BLCAP: variants seen among roughly 807,000 people sequenced by gnomAD.
BLCAP encodes apoptosis inducing factor BLCAP.
BLCAP carries 1 observed loss-of-function variant against 5.7 expected under a neutral mutation model. That is an observed-to-expected ratio of 0.18 (90% CI 0.06 to 0.83). BLCAP has a LOEUF of 0.83. BLCAP is among the 40% of genes least tolerant of loss of function. The pLI, the probability that BLCAP is intolerant of heterozygous loss-of-function variation, is 0.71. For missense variants in BLCAP, 66 were observed against 107.6 expected (o/e 0.61, Z 1.71); for synonymous variants, 48 against 49.4 (o/e 0.97, Z 0.11).
chr20:37,527,667 A>G (rs1488730350), intron 1 of BLCAP, 126 bp downstream of exon 1: 1 of 152,412 alleles, frequency 6.6e-6, no homozygotes, highest in Non-Finnish European at 1.5e-5. Context: ...TTCCCGGGGT[A>G]TGCGGAAGGA....
Position 37,521,252 on chromosome 20 carries a change from T to G in BLCAP, c.-176-1902A>C. 1 of 1,464,052 alleles carries G rather than the reference T, an allele frequency of 6.8e-7. No homozygotes were observed. 90.7% of individuals were successfully genotyped at this position (1,464,052 alleles called of 1,614,324 possible). On this transcript the variant is annotated intron_variant, in intron 1 of 1. Coordinates refer to ENST00000373537, the MANE Select transcript of BLCAP (RefSeq NM_006698.4). The surrounding 1 kb of genome is among the most constrained non-coding windows in gnomAD (Gnocchi z 4.5). ...GGCGCGGCCACCGCGGCTGCGGCAG[T>G]GCGCCCAACAGCGGACTCCGAGACC...
Position 37,518,930 on chromosome 20 carries a change from G to A in BLCAP, c.245C>T (p.Pro82Leu), listed in dbSNP as rs2071465260. ...DSPLPESAHD[P>L]GVVGT Reference sequence around the variant, plus strand: ...AGGCCGTTAGGTGCCCACAACGCCGGGATCATGCGCCGATTCTGGAAGCGG... The same window carrying A: ...AGGCCGTTAGGTGCCCACAACGCCGAGATCATGCGCCGATTCTGGAAGCGG... The change falls in exon 2 of 2, where the codon CCC becomes CTC. Residue 82 changes from proline to leucine, a missense_variant. Pro to Leu is a moderately conservative substitution (Grantham distance 98). Transcript: ENST00000373537. 1 of 1,614,084 alleles carries A rather than the reference G, an allele frequency of 6.2e-7. No individual in the cohort carries two copies. The highest frequency in any genetic ancestry group is 1.3e-5 in the African/African-American group (1 of 74,932).
chr20:37,522,198 T>TG (rs2071607543), intron 1 of BLCAP, among the ~76,000 whole-genome samples: 1 of 144,926 alleles, frequency 6.9e-6, no homozygotes, highest in South Asian at 2.2e-4. Flanking sequence ...AAAATAATAA[T>TG]AAAAAAAATA....
intron 1 of BLCAP, chr20:37,523,559 T>C (rs1466827517): frequency 8.5e-5 from 13 of 152,654 alleles, no homozygotes; most frequent in Admixed American, 8.5e-4. Context: ...TAAGTGTGCA[T>C]TAGTTGTGTC....
At position 37,518,607 on chromosome 20, in the gene BLCAP, C is replaced by G. The variant is rs41304413; in HGVS notation, c.*304G>C. The G allele has an allele frequency of 3.9e-3, 1,328 of 341,584 alleles. 7 individuals carry two copies. The highest frequency in any genetic ancestry group is 5.7e-3 in the Admixed American group (127 of 22,262). The allele number at this position is 341,584 out of a possible 1,614,324, so 21.2% of individuals were successfully genotyped here. ...CCCAGGTCACATTGGGGCAGCTGAC[C>G]AGGATGGACCCAGACTCCTCACAGT... On this transcript the variant is annotated 3_prime_UTR_variant, in exon 2 of 2. Coordinates refer to ENST00000373537, the MANE Select transcript of BLCAP (RefSeq NM_006698.4).
chr20:37,522,598 G>GGGGGGCCCC, intron 1 of BLCAP: 2 of 864,342 alleles, frequency 2.3e-6, no homozygotes, highest in Non-Finnish European at 3.4e-6. Flanking sequence ...GCGGGGGTGG[G>GGGGGGCCCC]CACGGCAGCA....
At chr20:37,519,681 C>T (rs1275872160) in intron 1 of BLCAP, among the ~76,000 whole-genome samples, 1 of 152,160 alleles carries the variant, frequency 6.6e-6, no homozygotes, top group Non-Finnish European at 1.5e-5. Context: ...GATCATGTAT[C>T]GCCTCCTGGG....
At chr20:37,523,660 G>C (rs1397090116) in intron 1 of BLCAP, 1 of 152,680 alleles carries the variant, frequency 6.5e-6, no homozygotes, top group Non-Finnish European at 1.5e-5. Flanking sequence ...AGTGTCCCAG[G>C]ACCCTGCGGT....
intron 1 of BLCAP, chr20:37,522,264 GC>G: frequency 1.2e-6 from 1 of 865,708 alleles, no homozygotes; most frequent in Non-Finnish European, 1.9e-6. Context: ...AAAGCGCTTT[GC>G]CCATAAAATC....
At chr20:37,522,180 C>CAAAA (rs34619095) in intron 1 of BLCAP, among the ~76,000 whole-genome samples, 15 of 104,764 alleles carry the variant, frequency 1.4e-4, no homozygotes, top group African/African-American at 4.4e-4. Flanking sequence ...AATTGCTTTA[C>CAAAA]AAAAAAAAAA....
rs765222833 is a variant in BLCAP at position 37,519,148 on chromosome 20, G to A, written c.27C>T (p.Pro9=). The A allele has an allele frequency of 6.3e-6, 10 of 1,596,624 alleles. No homozygotes were observed. The highest frequency in any genetic ancestry group is 5.2e-5 in the Admixed American group (3 of 57,340). The stretch of plus-strand genomic sequence containing the variant: ...TGAGGGGCTTGGGGATGAGGAGGAC[G>A]GGCAGCAGCCACTGGAGGCAATACA... The part of the protein sequence containing the change: MYCLQWLL[P]VLLIPKPLNP... Residue 9 remains proline, a synonymous_variant, in exon 2 of 2, where the codon CCC becomes CCT. Coordinates refer to ENST00000373537, the MANE Select transcript of BLCAP (RefSeq NM_006698.4).
intron 1 of BLCAP, chr20:37,523,024 C>T: frequency 2.3e-6 from 1 of 437,448 alleles, no homozygotes; most frequent in Admixed American, 4.0e-5. Context: ...GGGAGCAGAC[C>T]CCTGAGATCT....
At chr20:37,525,000 C>T (rs930239571) in intron 1 of BLCAP, among the ~76,000 whole-genome samples, 6 of 152,204 alleles carry the variant, frequency 3.9e-5, no homozygotes, top group Admixed American at 6.5e-5. Context: ...AGAGGATGTG[C>T]AATCTGAGAC....
In BLCAP at chr20:37,522,228, T is replaced by G. The variant is rs568464101; in HGVS notation, c.-176-2878A>C. On this transcript the variant is annotated intron_variant, in intron 1 of 1. Coordinates refer to ENST00000373537, the MANE Select transcript of BLCAP (RefSeq NM_006698.4). ...AAAATAAAAAAGAGGCAAAAGCGCT[T>G]GGTGTAAAAAGAGATAAATCAGAAG... 7 of 438,818 alleles carry G rather than the reference T, an allele frequency of 1.6e-5. 1 individual carries two copies. The highest frequency in any genetic ancestry group is 1.2e-4 in the African/African-American group (6 of 48,588). The allele number at this position is 438,818 out of a possible 1,614,324, so 27.2% of individuals were successfully genotyped here.
At chr20:37,522,367 G>T in intron 1 of BLCAP, 1 of 1,613,862 alleles carries the variant, frequency 6.2e-7, no homozygotes, top group East Asian at 2.2e-5. Flanking sequence ...GGTGTTCCTG[G>T]AATGCTGCAT....
chr20:37,522,243 T>G (rs945124667), intron 1 of BLCAP: 5 of 588,950 alleles, frequency 8.5e-6, no homozygotes, highest in Non-Finnish European at 1.4e-5. Context: ...TAAAAAGAGA[T>G]AAATCAGAAG....
chr20:37,520,664 A>G (rs1030404285), intron 1 of BLCAP: 1 of 152,480 alleles, frequency 6.6e-6, no homozygotes, highest in Non-Finnish European at 1.5e-5. Flanking sequence ...CCTCCACCGC[A>G]GATTCTCATC....
chr20:37,525,209 A>G (rs945967828), intron 1 of BLCAP, among the ~76,000 whole-genome samples: 1 of 152,108 alleles, frequency 6.6e-6, no homozygotes, highest in Non-Finnish European at 1.5e-5. Flanking sequence ...ACATACCAAC[A>G]TGTGTTCTCC....
In BLCAP at chr20:37,521,397, G is replaced by A; in HGVS notation, c.-176-2047C>T. ...TCGGCTGGTACATCTTCCGCGTGCT[G>A]CTGCAGGTAAGTCTGACGGGGTTTC... On this transcript the variant is annotated intron_variant, in intron 1 of 1. Transcript: ENST00000373537. The surrounding 1 kb of genome is among the most constrained non-coding windows in gnomAD (Gnocchi z 4.5). The A allele has an allele frequency of 6.2e-7, 1 of 1,614,114 alleles. No homozygotes were observed. The highest frequency in any genetic ancestry group is 8.5e-7 in the Non-Finnish European group (1 of 1,179,964).
Sources: gnomAD v4.1 joint callset for allele counts (sites outside exome capture counted in the v4.1 genomes callset) on GRCh38, gnomAD v4.1.1 for gene constraint, Gnocchi (gnomAD v3.1) non-coding constraint, MANE v1.5 for transcripts, NCBI Gene and HGNC (gene_info 2026-07-23, HGNC 2026-07-21) for gene names.